The following SCFD1 variants were observed in gnomAD, a reference collection of about 807,000 sequenced individuals.
SCFD1 encodes sec1 family domain containing 1.
In SCFD1, 37 loss-of-function variants were observed where a neutral mutation model predicts 103.2. That is an observed-to-expected ratio of 0.36 (90% CI 0.28 to 0.47). SCFD1 has a LOEUF of 0.47. Ranked by LOEUF, SCFD1 falls within the 20% of genes least tolerant of loss-of-function variation. The pLI is 1.00. For missense variants in SCFD1, 639 were observed against 761.2 expected (o/e 0.84, Z 1.89); for synonymous variants, 264 against 245.0 (o/e 1.08, Z -0.73).
chr14:30,632,324 A>G (rs755204687), intron 3 of SCFD1, among the ~76,000 whole-genome samples: 5 of 152,150 alleles, frequency 3.3e-5, no homozygotes, highest in Non-Finnish European at 5.9e-5. Flanking sequence ...GCATTTGTTA[A>G]TAGACTGTTA....
chr14:30,623,325 T>G (rs1224098194), intron 1 of SCFD1, among the ~76,000 whole-genome samples: 1 of 152,228 alleles, frequency 6.6e-6, no homozygotes, highest in East Asian at 1.9e-4. Context: ...TTATAATTCA[T>G]ATGACCTACA....
At chr14:30,624,470 C>T (rs1201264140) in intron 1 of SCFD1, among the ~76,000 whole-genome samples, 1 of 152,150 alleles carries the variant, frequency 6.6e-6, no homozygotes, top group African/African-American at 2.4e-5. Flanking sequence ...AGGTCAAAAA[C>T]CTTGAAGTTT....
chr14:30,715,761 GTATTTACATCTTTGA>G, intron 19 of SCFD1, 148 bp from the exon 20 acceptor site: 1 of 533,650 alleles, frequency 1.9e-6, no homozygotes, highest in South Asian at 2.8e-5. Flanking sequence ...AGTGCCAAGA[GTATTTACATCTTTGA>G]CATCACCTTT....
At chr14:30,707,946 G>A (rs1226321669) in intron 18 of SCFD1, 44 bp from the exon 19 acceptor site, 1 of 1,272,270 alleles carries the variant, frequency 7.9e-7, no homozygotes, top group Non-Finnish European at 1.2e-6. Context: ...GATTGGAGAG[G>A]CACTTTGTAC....
intron 4 of SCFD1, chr14:30,635,003 C>T (rs1228181577): frequency 2.2e-6 from 1 of 455,308 alleles, no homozygotes; most frequent in Non-Finnish European, 4.4e-6. Context: ...ATTCTTTTAG[C>T]AAGGAAAAGG....
chr14:30,643,333 A>G lies in SCFD1; in HGVS notation c.541A>G (p.Ile181Val), dbSNP rs781436407. Residue 181 changes from isoleucine (I) to valine (V), a missense_variant, in exon 7 of 25, where the codon ATC becomes GTC. Physicochemically the swap from Ile to Val is conservative, Grantham distance 29. Transcript: ENST00000458591. ...CATTTTAGCCATTAACAGGCCAGAT[A>G]TCACAGACACGGAAATGGAAACTGT... ...VSYRAINRPD[I>V]TDTEMETVMD... is the part of the protein sequence containing the mutation. 3 of 1,612,858 alleles carry G rather than the reference A, an allele frequency of 1.9e-6. No homozygotes were observed. Among genetic ancestry groups the G allele is most frequent in the Non-Finnish European group, 8.5e-7 (1 of 1,178,910 alleles).
intron 7 of SCFD1, among the ~76,000 whole-genome samples, chr14:30,648,391 T>C (rs1886060557): frequency 6.6e-6 from 1 of 152,228 alleles, no homozygotes; most frequent in Admixed American, 6.5e-5. Flanking sequence ...CTTATGAGAC[T>C]TTCAGTGCAG....
intron 4 of SCFD1, among the ~76,000 whole-genome samples, chr14:30,637,103 T>A (rs1884801926): frequency 6.6e-6 from 1 of 152,040 alleles, no homozygotes; most frequent in South Asian, 2.1e-4. Context: ...GTGACTAGAG[T>A]GTCACTGTTC....
At chr14:30,690,682 G>A (rs1211688536) in intron 14 of SCFD1, among the ~76,000 whole-genome samples, 4 of 148,302 alleles carry the variant, frequency 2.7e-5, no homozygotes, top group Non-Finnish European at 5.9e-5. Context: ...CGCACGGTGC[G>A]CACACACACT....
chr14:30,666,589 T>A (rs1887992840), intron 10 of SCFD1, among the ~76,000 whole-genome samples: 1 of 151,874 alleles, frequency 6.6e-6, no homozygotes, highest in African/African-American at 2.4e-5. Flanking sequence ...AAAAAACCCT[T>A]CAAAAAAATC....
intron 14 of SCFD1, chr14:30,676,006 C>G (rs2139230543): frequency 1.3e-5 from 2 of 152,280 alleles, no homozygotes; most frequent in South Asian, 4.1e-4. Context: ...AGAAACAGAA[C>G]TGCAGTCTGT....
In SCFD1 at chr14:30,638,187, T is replaced by G; in HGVS notation, c.375T>G (p.Ser125Arg). 6.2e-7 allele frequency: 1 copy of G among 1,612,634 alleles called. No individual in the cohort carries two copies. Among genetic ancestry groups the G allele is most frequent in the Non-Finnish European group, 8.5e-7 (1 of 1,179,334 alleles). ...ATTTTATTTCTGCTATTTCAAGAAG[T>G]AAACTGGAAGATATTGCAAATGCAG... is the stretch of plus-strand genomic sequence containing the variant. ...YLNFISAISR[S>R]KLEDIANAAL... The change falls in exon 5 of 25, where the codon AGT becomes AGG. Residue 125 changes from serine (S) to arginine (R), a missense_variant. Transcript: ENST00000458591.
At chr14:30,730,029 T>C (rs1594776927) in intron 23 of SCFD1, among the ~76,000 whole-genome samples, 1 of 152,152 alleles carries the variant, frequency 6.6e-6, no homozygotes, top group Admixed American at 6.6e-5. Flanking sequence ...CCACTACAGG[T>C]CCCGGTGTGT....
chr14:30,633,579 T>C (rs868695207), intron 3 of SCFD1, among the ~76,000 whole-genome samples: 11 of 152,268 alleles, frequency 7.2e-5, no homozygotes, highest in Admixed American at 2.6e-4. Context: ...AGCCACACTT[T>C]CCTCACATTC....
chr14:30,677,237 A>G lies in SCFD1; in HGVS notation c.1242+2172A>G, dbSNP rs551760788. Among the ~76,000 whole-genome samples, 14 of 152,156 alleles carry G rather than the reference A, an allele frequency of 9.2e-5. No homozygotes were observed. In the East Asian group the frequency reaches 2.7e-3, roughly 29 times the overall value. On this transcript the variant is annotated intron_variant, in intron 14 of 24. Transcript: ENST00000458591. Reference sequence around the variant, plus strand: ...GAGTACAGTGGCACAATCATAGCTCAATATAGCCTTAACCTCCTGGGCTCA... The same window carrying G: ...GAGTACAGTGGCACAATCATAGCTCGATATAGCCTTAACCTCCTGGGCTCA...
chr14:30,719,337 T>G lies in SCFD1; in HGVS notation c.1696T>G (p.Tyr566Asp), dbSNP rs1892494308. The change falls in exon 21 of 25, where the codon TAT (tyrosine) becomes GAT (aspartate). Residue 566 changes from tyrosine (Y) to aspartate (D), a missense_variant. By Grantham distance (160) the Tyr-to-Asp change is radical. Coordinates refer to ENST00000458591, the MANE Select transcript of SCFD1 (RefSeq NM_016106.4). ...EMKSNPETDDYRYFDPKMLRG... is the reference protein window; with the variant it reads ...EMKSNPETDDDRYFDPKMLRG... The stretch of plus-strand genomic sequence containing the variant: ...TTTTTTTTAATAGGAAACTGATGAC[T>G]ATAGATATTTTGATCCCAAAATGCT... 1.9e-6 allele frequency: 3 copies of G among 1,602,618 alleles called. No individual in the cohort carries two copies. Among genetic ancestry groups the G allele is most frequent in the African/African-American group, 1.3e-5 (1 of 74,304 alleles).
At position 30,633,226 on chromosome 14, in the gene SCFD1, C is replaced by G. The variant is rs908737110; in HGVS notation, c.222-721C>G. On this transcript the variant is annotated intron_variant, in intron 3 of 24. Transcript: ENST00000458591. The stretch of plus-strand genomic sequence containing the variant: ...ACACAGACTCACTGGCAGCATGTGC[C>G]TCTTTCCTCTCTCTCCTTGATTATA... Among the ~76,000 whole-genome samples the G allele has an allele frequency of 3.3e-5, 5 of 152,252 alleles. No individual in the cohort carries two copies. In the East Asian group the frequency reaches 9.6e-4, roughly 29 times the overall value.
intron 6 of SCFD1, among the ~76,000 whole-genome samples, chr14:30,642,599 T>C (rs1269847214): frequency 6.6e-6 from 1 of 152,208 alleles, no homozygotes; most frequent in Non-Finnish European, 1.5e-5. Flanking sequence ...GAAAATGATA[T>C]GCAATGTTGG....
chr14:30,644,894 C>T (rs1885655058), intron 7 of SCFD1, among the ~76,000 whole-genome samples: 1 of 152,140 alleles, frequency 6.6e-6, no homozygotes, highest in Admixed American at 6.6e-5. Flanking sequence ...GAGACTTCAG[C>T]ATGAAATCTT....
Sources: allele counts gnomAD v4.1 joint callset (sites outside exome capture counted in the v4.1 genomes callset), GRCh38; gene constraint gnomAD v4.1.1; transcripts MANE v1.5; gene names NCBI Gene and HGNC (gene_info 2026-07-23, HGNC 2026-07-21).